Variants in STAG1 observed in about 807,000 individuals in gnomAD.
The protein encoded by STAG1 is cohesin subunit SA-1.
A neutral mutation model predicts 170.9 loss-of-function variants in STAG1; 26 were observed. The ratio of observed to expected loss-of-function variants is 0.15; its 90% CI spans 0.11 to 0.21. The LOEUF (loss-of-function observed/expected upper bound fraction) is 0.21. Among genes scored for constraint, STAG1 ranks in the 10% least tolerant of loss-of-function variants. STAG1 has a pLI of 1.00. For missense variants in STAG1, 964 were observed against 1,509.5 expected (o/e 0.64, Z 5.99); for synonymous variants, 514 against 497.7 (o/e 1.03, Z -0.44).
chr3:136,697,917 A>C (rs1942945195), intron 1 of STAG1, among the ~76,000 whole-genome samples: 1 of 152,204 alleles, frequency 6.6e-6, no homozygotes, highest in African/African-American at 2.4e-5. Flanking sequence ...ATAAATAAAC[A>C]TCAGGTGCAT....
At chr3:136,694,342 G>A (rs762080904) in intron 1 of STAG1, among the ~76,000 whole-genome samples, 5 of 152,070 alleles carry the variant, frequency 3.3e-5, no homozygotes, top group Non-Finnish European at 4.4e-5. Context: ...GTGGCTGGGT[G>A]CAATAACTCA....
At chr3:136,564,963 G>GAGGAAGGAATGAAGGA (rs1936997583) in intron 5 of STAG1, among the ~76,000 whole-genome samples, 1 of 37,744 alleles carries the variant, frequency 2.6e-5, no homozygotes, top group Non-Finnish European at 5.4e-5. Flanking sequence ...ACATGTGTAT[G>GAGGAAGGAATGAAGGA]AGGAAGGAAG....
In STAG1 at chr3:136,702,076, AG is replaced by A. The variant is rs1277565017; in HGVS notation, c.-84+50118del. On this transcript the variant is annotated intron_variant, in intron 1 of 33. Coordinates refer to ENST00000383202, the MANE Select transcript of STAG1 (RefSeq NM_005862.3). ...TACAGGCATGCACCACCATGCCGAA[AG>A]AGAGAGAGAGAGAGAGAGAGAGAGA... is the stretch of plus-strand genomic sequence containing the variant. 6.5e-3 allele frequency among the ~76,000 whole-genome samples: 192 copies of A among 29,592 alleles called. 1 individual carries two copies. Among genetic ancestry groups the A allele is most frequent in the African/African-American group, 0.02 (181 of 9,040 alleles). The allele number at this position is 29,592 out of a possible 152,430, so 19.4% of individuals were successfully genotyped here. A position where few individuals can be genotyped will look rare whatever the true frequency, so the allele number is the denominator to read the frequency against.
At chr3:136,459,037 G>A (rs1357140998) in intron 13 of STAG1, among the ~76,000 whole-genome samples, 2 of 151,994 alleles carry the variant, frequency 1.3e-5, no homozygotes, top group African/African-American at 2.4e-5. Context: ...GGCCAACATG[G>A]TGAAACCCTG....
chr3:136,413,452 ATAT>A (rs529279899), intron 21 of STAG1, among the ~76,000 whole-genome samples: 8 of 151,398 alleles, frequency 5.3e-5, no homozygotes, highest in Non-Finnish European at 1.0e-4. Flanking sequence ...GATCTGCCAC[ATAT>A]TATTATTATT....
In STAG1 at chr3:136,722,739, C is replaced by A. The variant is rs369033233; in HGVS notation, c.-84+29456G>T. ...TCTTTCCACGGTCTCCCACTGATGC[C>A]GAGCCGAAGCTGGACTGTACTGCTG... On this transcript the variant is annotated intron_variant, in intron 1 of 33. Coordinates refer to ENST00000383202, the MANE Select transcript of STAG1 (RefSeq NM_005862.3). Among the ~76,000 whole-genome samples, 3 of 151,506 alleles carry A rather than the reference C, an allele frequency of 2.0e-5. No homozygotes were observed. In the South Asian group the frequency reaches 6.3e-4, roughly 32 times the overall value.
chr3:136,728,158 C>CA (rs972760207), intron 1 of STAG1, among the ~76,000 whole-genome samples: 30 of 145,948 alleles, frequency 2.1e-4, no homozygotes, highest in South Asian at 6.5e-4. Flanking sequence ...AAGCCCATTT[C>CA]AAAAAAAAAA....
At chr3:136,426,134 G>A (rs1386591074) in intron 16 of STAG1, among the ~76,000 whole-genome samples, 2 of 151,668 alleles carry the variant, frequency 1.3e-5, no homozygotes, top group African/African-American at 4.8e-5. Context: ...GTGGCCGGGC[G>A]CGGTGGCTCA....
chr3:136,361,488 C>T (rs1936860609), intron 26 of STAG1, among the ~76,000 whole-genome samples: 1 of 152,190 alleles, frequency 6.6e-6, no homozygotes, highest in African/African-American at 2.4e-5. Context: ...GAATATACTA[C>T]AAAACTGTCT....
At chr3:136,531,042 T>C (rs562390490) in intron 6 of STAG1, among the ~76,000 whole-genome samples, 5 of 152,226 alleles carry the variant, frequency 3.3e-5, no homozygotes, top group East Asian at 1.9e-4. Flanking sequence ...GAGGCAGAGG[T>C]TGCAGTGAGC....
intron 15 of STAG1, among the ~76,000 whole-genome samples, chr3:136,437,468 C>G (rs1441883045): frequency 6.6e-6 from 1 of 152,192 alleles, no homozygotes; most frequent in East Asian, 1.9e-4. Flanking sequence ...ATGGTACAAA[C>G]TGTCATTTGA....
chr3:136,495,661 C>T (rs866903975), intron 9 of STAG1, among the ~76,000 whole-genome samples: 16 of 133,720 alleles, frequency 1.2e-4, no homozygotes, highest in African/African-American at 1.3e-4. Context: ...GGTGAAACTC[C>T]GCCTCTATTA....
At chr3:136,561,508 A>T (rs942778581) in intron 5 of STAG1, among the ~76,000 whole-genome samples, 7 of 152,202 alleles carry the variant, frequency 4.6e-5, no homozygotes, top group Non-Finnish European at 1.0e-4. Flanking sequence ...GAGGTCTTTA[A>T]ATCTTCTAAC....
chr3:136,714,521 G>A (rs954655569), intron 1 of STAG1, among the ~76,000 whole-genome samples: 3 of 152,002 alleles, frequency 2.0e-5, no homozygotes, highest in African/African-American at 7.2e-5. Context: ...GAGGTCAGGA[G>A]ATCAAGACCA....
intron 1 of STAG1, among the ~76,000 whole-genome samples, chr3:136,701,407 T>C (rs1943057199): frequency 6.6e-6 from 1 of 152,136 alleles, no homozygotes; most frequent in Non-Finnish European, 1.5e-5. Context: ...CATCCTCGTG[T>C]GTGTGTGTGT....
intron 5 of STAG1, among the ~76,000 whole-genome samples, chr3:136,557,379 CTT>C (rs34516010): frequency 2.0e-5 from 3 of 152,136 alleles, no homozygotes; most frequent in Non-Finnish European, 4.4e-5. Flanking sequence ...AACTGAAGGA[CTT>C]TTCACACTTA....
At chr3:136,367,251 T>C (rs903667206) in intron 24 of STAG1, among the ~76,000 whole-genome samples, 169 bp from the exon 25 acceptor site, 47 of 152,294 alleles carry the variant, frequency 3.1e-4, no homozygotes, top group Middle Eastern at 3.4e-3. Flanking sequence ...GGGTGCTGTA[T>C]TTAGTTACTC....
At chr3:136,518,262 T>C in intron 7 of STAG1, 1 of 596,612 alleles carries the variant, frequency 1.7e-6, no homozygotes, top group Non-Finnish European at 3.0e-6. Context: ...TTGTCTCTCT[T>C]CTCAGCTAAG....
chr3:136,611,658 CTTTTTTTTTTTTTT>C (rs760493827), intron 3 of STAG1, among the ~76,000 whole-genome samples: 1 of 72,602 alleles, frequency 1.4e-5, no homozygotes, highest in East Asian at 3.1e-4. Context: ...CCACACCCAG[CTTTTTTTTTTTTTT>C]TTTTTTTTTT....
Sources: gnomAD v4.1 joint callset for allele counts (sites outside exome capture counted in the v4.1 genomes callset) on GRCh38, gnomAD v4.1.1 for gene constraint, MANE v1.5 for transcripts, NCBI Gene and HGNC (gene_info 2026-07-23, HGNC 2026-07-21) for gene names.